ADAMTS16: variants seen among roughly 807,000 people sequenced by gnomAD.
ADAMTS16 encodes ADAM metallopeptidase with thrombospondin type 1 motif 16.
ADAMTS16 carries 94 observed loss-of-function variants against 145.8 expected under a neutral mutation model. The observed-to-expected ratio is 0.64, with a 90% CI of 0.55 to 0.77. The LOEUF (loss-of-function observed/expected upper bound fraction) is 0.77, where lower values mean the gene tolerates loss of function less well. Ranked by LOEUF, ADAMTS16 falls within the 30% of genes least tolerant of loss-of-function variation. The pLI is 0.00. For synonymous variants in ADAMTS16, 659 were observed against 604.3 expected (o/e 1.09, Z -1.33); for missense variants, 1,585 against 1,591.5 (o/e 1.00, Z 0.07).
At chr5:5,156,218 C>T (rs57153596) in intron 3 of ADAMTS16, among the ~76,000 whole-genome samples, 6 of 152,092 alleles carry the variant, frequency 3.9e-5, no homozygotes, top group East Asian at 1.9e-4. Context: ...AGTTGAGAGG[C>T]GATTTCTTTG....
chr5:5,274,098 G>C (rs1193706644), intron 18 of ADAMTS16, among the ~76,000 whole-genome samples: 1 of 152,042 alleles, frequency 6.6e-6, no homozygotes, highest in Non-Finnish European at 1.5e-5. Context: ...GCAGAAAGTA[G>C]AACATTCCCA....
intron 17 of ADAMTS16, among the ~76,000 whole-genome samples, chr5:5,259,201 G>T (rs1276075961): frequency 6.6e-6 from 1 of 152,178 alleles, no homozygotes; most frequent in Non-Finnish European, 1.5e-5. Context: ...CACAGCTACT[G>T]TGAATCCTGT....
At chr5:5,168,633 AAT>A (rs1188707675) in intron 3 of ADAMTS16, among the ~76,000 whole-genome samples, 69 of 83,734 alleles carry the variant, frequency 8.2e-4, no homozygotes, top group Middle Eastern at 6.4e-3. Context: ...TATTATATAT[AAT>A]ATATATAATT....
At position 5,188,403 on chromosome 5, in the gene ADAMTS16, T is replaced by G. The variant is rs373128167; in HGVS notation, c.1047+595T>G. ...TGGGTTAAAGATCCTTTGCCTTCATTTGGGACCCCCGTAAATGCATAGAGG... is the reference window on the plus strand; with the variant it reads ...TGGGTTAAAGATCCTTTGCCTTCATGTGGGACCCCCGTAAATGCATAGAGG... On this transcript the variant is annotated intron_variant, in intron 6 of 22. Transcript: ENST00000274181. Among the ~76,000 whole-genome samples, 15 of 152,176 alleles carry G rather than the reference T, an allele frequency of 9.9e-5. No individual in the cohort carries two copies. The East Asian group carries it at 2.9e-3, about 29-fold the overall frequency.
At chr5:5,201,000 T>C (rs1001486873) in intron 9 of ADAMTS16, among the ~76,000 whole-genome samples, 1 of 152,244 alleles carries the variant, frequency 6.6e-6, no homozygotes, top group African/African-American at 2.4e-5. Flanking sequence ...TCTTTGGCTT[T>C]GAGTTTGAAG....
intron 17 of ADAMTS16, among the ~76,000 whole-genome samples, chr5:5,248,739 A>G (rs1737534032): frequency 6.6e-6 from 1 of 152,252 alleles, no homozygotes; most frequent in African/African-American, 2.4e-5. Flanking sequence ...AAACATAATC[A>G]TCCAAAATCT....
chr5:5,175,516 T>C (rs568259868), intron 3 of ADAMTS16, among the ~76,000 whole-genome samples: 1 of 152,242 alleles, frequency 6.6e-6, no homozygotes, highest in East Asian at 1.9e-4. Context: ...TTGGCTGGCG[T>C]CTCATTAAGT....
At chr5:5,192,245 G>T (rs1735680221) in intron 8 of ADAMTS16, among the ~76,000 whole-genome samples, 1 of 152,102 alleles carries the variant, frequency 6.6e-6, no homozygotes, top group Non-Finnish European at 1.5e-5. Context: ...ATGTCCCTGG[G>T]TCTTTCTCCA....
chr5:5,156,330 T>A (rs908670093), intron 3 of ADAMTS16, among the ~76,000 whole-genome samples: 1 of 152,202 alleles, frequency 6.6e-6, no homozygotes, highest in East Asian at 1.9e-4. Context: ...GTGCCTGGCA[T>A]ATAGTAAAGC....
chr5:5,257,888 G>A (rs1737849529), intron 17 of ADAMTS16, among the ~76,000 whole-genome samples: 2 of 152,132 alleles, frequency 1.3e-5, no homozygotes, highest in African/African-American at 4.8e-5. Context: ...AAAGTCAGGG[G>A]TTCCCACAGG....
intron 16 of ADAMTS16, among the ~76,000 whole-genome samples, chr5:5,241,626 G>T (rs529223642): frequency 7.9e-5 from 12 of 152,280 alleles, no homozygotes; most frequent in Admixed American, 5.2e-4. Flanking sequence ...GGATCCCTCA[G>T]ATGCAGGGAT....
intron 17 of ADAMTS16, among the ~76,000 whole-genome samples, chr5:5,261,000 G>A (rs56353827): frequency 0.042 from 6,411 of 152,222 alleles, 186 homozygotes; most frequent in African/African-American, 0.077. Context: ...CTGCAGAGGA[G>A]TGAGAACAGG....
chr5:5,293,835 C>A (rs60073863), intron 18 of ADAMTS16, among the ~76,000 whole-genome samples: 9,195 of 152,226 alleles, frequency 0.06, 485 homozygotes, highest in African/African-American at 0.15. Flanking sequence ...AAGGAAGCAA[C>A]ACCAGAGATT....
At chr5:5,194,005 G>A (rs1259040580) in intron 8 of ADAMTS16, among the ~76,000 whole-genome samples, 1 of 152,154 alleles carries the variant, frequency 6.6e-6, no homozygotes, top group Non-Finnish European at 1.5e-5. Flanking sequence ...GGGAGGCTGA[G>A]GTGGGAGAAT....
chr5:5,221,275 G>A (rs1002275118), intron 10 of ADAMTS16, among the ~76,000 whole-genome samples: 7 of 151,956 alleles, frequency 4.6e-5, no homozygotes, highest in Admixed American at 2.6e-4. Flanking sequence ...TCTAAACTCC[G>A]TTCTGGCCAA....
intron 7 of ADAMTS16, among the ~76,000 whole-genome samples, chr5:5,191,125 C>T (rs746350128): frequency 8.5e-5 from 13 of 152,302 alleles, no homozygotes; most frequent in Non-Finnish European, 1.6e-4. Context: ...GACCCTTAGA[C>T]GTGTGTGCCT....
chr5:5,153,302 A>G (rs1199984228), intron 3 of ADAMTS16, among the ~76,000 whole-genome samples: 2 of 152,188 alleles, frequency 1.3e-5, no homozygotes, highest in Non-Finnish European at 2.9e-5. Flanking sequence ...ATAATTATTT[A>G]TTTACAGGTT....
intron 3 of ADAMTS16, among the ~76,000 whole-genome samples, chr5:5,160,605 C>T (rs1734715875): frequency 6.6e-6 from 1 of 152,154 alleles, no homozygotes; most frequent in South Asian, 2.1e-4. Flanking sequence ...CAACCCCAGG[C>T]TGTGGTGGGT....
chr5:5,190,147 G>A lies in ADAMTS16; in HGVS notation c.1207+17G>A, dbSNP rs1419437499. 2 of 1,572,548 alleles carry A rather than the reference G, an allele frequency of 1.3e-6. No homozygotes were observed. The highest frequency in any genetic ancestry group is 3.7e-5 in the Admixed American group (2 of 54,116). Reference sequence around the variant, plus strand: ...ACACTTTGGGTGAGAACCTCCAGCAGAGTGTGAGGACCGTGTGTGGAATGT... The same window carrying A: ...ACACTTTGGGTGAGAACCTCCAGCAAAGTGTGAGGACCGTGTGTGGAATGT... On this transcript the variant is annotated intron_variant, in intron 7 of 22. Transcript: ENST00000274181.
Sources: allele counts gnomAD v4.1 joint callset (sites outside exome capture counted in the v4.1 genomes callset), GRCh38; gene constraint gnomAD v4.1.1; transcripts MANE v1.5; gene names NCBI Gene and HGNC (gene_info 2026-07-23, HGNC 2026-07-21).